CNTNAP3B: variants seen among roughly 807,000 people sequenced by gnomAD.
CNTNAP3B encodes the protein contactin-associated protein-like 3B.
CNTNAP3B carries 25 observed loss-of-function variants against 108.9 expected under a neutral mutation model. The ratio of observed to expected loss-of-function variants is 0.23; its 90% CI spans 0.17 to 0.32. The LOEUF is 0.32. CNTNAP3B is among the 10% of genes least tolerant of loss of function. The pLI, the probability that CNTNAP3B is intolerant of heterozygous loss-of-function variation, is 1.00. For missense variants in CNTNAP3B, 252 were observed against 1,210.4 expected (o/e 0.21, Z 11.75); for synonymous variants, 103 against 473.4 (o/e 0.22, Z 10.16).
Position 41,923,078 on chromosome 9 carries a change from G to T in CNTNAP3B, c.2537-183C>A, listed in dbSNP as rs1237660952. Among the ~76,000 whole-genome samples, 14 of 111,950 alleles carry T rather than the reference G, an allele frequency of 1.3e-4. 1 individual carries two copies. Among genetic ancestry groups the T allele is most frequent in the Non-Finnish European group, 2.2e-4 (11 of 50,492 alleles). 73.4% of individuals were successfully genotyped at this position (111,950 alleles called of 152,430 possible). ...CTGTATCCTGGAGGAAAACAGAATG[G>T]ATTTTAACATATTTATCCTCAGAGT... On this transcript the variant is annotated intron_variant, in intron 16 of 23. Coordinates refer to ENST00000377561, the MANE Select transcript of CNTNAP3B (RefSeq NM_001201380.3).
At chr9:41,966,660 G>A (rs547207796) in intron 10 of CNTNAP3B, among the ~76,000 whole-genome samples, 85 of 152,352 alleles carry the variant, frequency 5.6e-4, no homozygotes, top group Non-Finnish European at 9.6e-4. Context: ...GATGTAAGAG[G>A]TGATTAAGAA....
At chr9:42,091,991 T>C (rs879777429) in intron 2 of CNTNAP3B, among the ~76,000 whole-genome samples, 3 of 118,110 alleles carry the variant, frequency 2.5e-5, no homozygotes, top group Non-Finnish European at 5.2e-5. Flanking sequence ...TATTTTCCTT[T>C]TTAATTTTTA....
intron 1 of CNTNAP3B, among the ~76,000 whole-genome samples, chr9:42,109,956 C>T (rs3852359): frequency 0.16 from 21,609 of 136,620 alleles, 3,459 homozygotes; most frequent in Middle Eastern, 0.3. Context: ...GTGAGGCACA[C>T]GGGCAACCAC....
At chr9:41,997,788 C>T (rs1825932084) in intron 5 of CNTNAP3B, 36 bp from the exon 6 acceptor site, 1 of 1,420,386 alleles carries the variant, frequency 7.0e-7, no homozygotes, top group East Asian at 2.6e-5. Flanking sequence ...TATTTCTGTT[C>T]AAAATCACGG....
intron 10 of CNTNAP3B, among the ~76,000 whole-genome samples, chr9:41,967,786 A>G (rs1287736595): frequency 1.1e-4 from 16 of 152,368 alleles, no homozygotes; most frequent in African/African-American, 2.9e-4. Flanking sequence ...TACGTTACTG[A>G]CTTTGGGAAT....
intron 12 of CNTNAP3B, among the ~76,000 whole-genome samples, chr9:41,957,733 G>A (rs1474143810): frequency 6.6e-6 from 1 of 152,214 alleles, no homozygotes; most frequent in Non-Finnish European, 1.5e-5. Context: ...TGCCATATCT[G>A]ACTCTGGTTT....
At chr9:41,917,671 T>G (rs1588037585) in intron 18 of CNTNAP3B, among the ~76,000 whole-genome samples, 1 of 148,256 alleles carries the variant, frequency 6.7e-6, no homozygotes, top group East Asian at 2.0e-4. Context: ...TTTTTCCAGC[T>G]GCCACACCTG....
intron 3 of CNTNAP3B, among the ~76,000 whole-genome samples, chr9:42,076,030 G>A (rs1297789134): frequency 5.8e-5 from 7 of 120,816 alleles, no homozygotes; most frequent in South Asian, 2.7e-4. Context: ...CGGCAAAGAG[G>A]CACTGACATA....
intron 14 of CNTNAP3B, among the ~76,000 whole-genome samples, chr9:41,935,974 G>T (rs1245281707): frequency 2.0e-5 from 3 of 152,258 alleles, no homozygotes; most frequent in South Asian, 2.1e-4. Context: ...CTCAATACAG[G>T]TGGCTCCAAG....
Position 41,947,649 on chromosome 9 carries a change from T to C in CNTNAP3B, c.2080+5534A>G, listed in dbSNP as rs1216893704. Among the ~76,000 whole-genome samples, 90 of 151,824 alleles carry C rather than the reference T, an allele frequency of 5.9e-4. No individual in the cohort carries two copies. In the South Asian group the frequency reaches 0.015, roughly 26 times the overall value. On this transcript the variant is annotated intron_variant, in intron 13 of 23. Transcript: ENST00000377561. ...CTAGAAACTAGAAAACAAAATTAACTCATACAAGCTGAAGGAAGGAGATAA... is the reference window on the plus strand; with the variant it reads ...CTAGAAACTAGAAAACAAAATTAACCCATACAAGCTGAAGGAAGGAGATAA...
At chr9:42,076,530 C>T (rs1162574144) in intron 3 of CNTNAP3B, among the ~76,000 whole-genome samples, 1 of 119,576 alleles carries the variant, frequency 8.4e-6, no homozygotes, top group African/African-American at 3.5e-5. Flanking sequence ...GTCATACACA[C>T]AGAAACTGCT....
intron 18 of CNTNAP3B, 67 bp downstream of exon 18, chr9:41,920,003 G>C (rs1823624960): frequency 7.6e-7 from 1 of 1,309,696 alleles, no homozygotes; most frequent in Non-Finnish European, 1.1e-6. Flanking sequence ...TCAAATGCCA[G>C]AAGCATTCTT....
chr9:41,925,892 T>C (rs1054179983), intron 15 of CNTNAP3B, among the ~76,000 whole-genome samples: 3 of 152,284 alleles, frequency 2.0e-5, no homozygotes, highest in Non-Finnish European at 2.9e-5. Flanking sequence ...GGAGTCGTGG[T>C]TTCTTTTTTA....
chr9:41,959,019 A>T (rs1435689598), intron 12 of CNTNAP3B, among the ~76,000 whole-genome samples: 8 of 140,904 alleles, frequency 5.7e-5, no homozygotes, highest in Admixed American at 3.5e-4. Flanking sequence ...AGGTTTTCCT[A>T]CCTTGACAAC....
chr9:41,936,288 A>T (rs1824154332), intron 14 of CNTNAP3B, among the ~76,000 whole-genome samples: 1 of 150,848 alleles, frequency 6.6e-6, no homozygotes. Flanking sequence ...AAACAAAAAC[A>T]AAACAAAACG....
intron 13 of CNTNAP3B, among the ~76,000 whole-genome samples, chr9:41,939,614 T>G (rs1285641889): frequency 1.2e-4 from 18 of 152,284 alleles, no homozygotes; most frequent in African/African-American, 4.1e-4. Flanking sequence ...AAGATATTTT[T>G]AAAAATTAAT....
At chr9:42,082,735 A>G (rs944247935) in intron 2 of CNTNAP3B, among the ~76,000 whole-genome samples, 1 of 131,564 alleles carries the variant, frequency 7.6e-6, no homozygotes, top group Non-Finnish European at 1.6e-5. Flanking sequence ...AACAATTTAT[A>G]AAATGTATTC....
intron 12 of CNTNAP3B, among the ~76,000 whole-genome samples, chr9:41,958,399 G>T (rs1234712061): frequency 1.3e-5 from 2 of 152,366 alleles, no homozygotes; most frequent in East Asian, 1.9e-4. Flanking sequence ...TCCCTCCTCA[G>T]CTTCTCAAAG....
In CNTNAP3B at chr9:42,121,517, G is replaced by T. The variant is rs1247087926; in HGVS notation, c.85+7493C>A. On this transcript the variant is annotated intron_variant, in intron 1 of 23. Coordinates refer to ENST00000377561, the MANE Select transcript of CNTNAP3B (RefSeq NM_001201380.3). ...GAGGTAGAGGACATCTGCCTAGCCT[G>T]CCAAAACAAAACAAATTGACAATCA... 1.1e-4 allele frequency among the ~76,000 whole-genome samples: 15 copies of T among 138,404 alleles called. 3 individuals are homozygous for T. Among genetic ancestry groups the T allele is most frequent in the Non-Finnish European group, 1.9e-4 (12 of 64,730 alleles). 90.8% of individuals were successfully genotyped at this position (138,404 alleles called of 152,430 possible). A position where few individuals can be genotyped will look rare whatever the true frequency, so the allele number is the denominator to read the frequency against.
Sources: gnomAD v4.1 joint callset for allele counts (sites outside exome capture counted in the v4.1 genomes callset) on GRCh38, gnomAD v4.1.1 for gene constraint, MANE v1.5 for transcripts, NCBI Gene and HGNC (gene_info 2026-07-23, HGNC 2026-07-21) for gene names.